The following CSMD1 variants were observed in gnomAD, a reference collection of about 807,000 sequenced individuals.
The protein encoded by CSMD1 is CUB and sushi domain-containing protein 1.
In CSMD1, 213 loss-of-function variants were observed where a neutral mutation model predicts 417.5. The observed-to-expected ratio is 0.51, with a 90% CI of 0.46 to 0.57. The LOEUF (loss-of-function observed/expected upper bound fraction) is 0.57, where lower values mean the gene tolerates loss of function less well. Among genes scored for constraint, CSMD1 ranks in the 20% least tolerant of loss-of-function variants. The pLI is 0.00. For synonymous variants in CSMD1, 2,862 were observed against 1,736.8 expected (o/e 1.65, Z -16.11); for missense variants, 6,923 against 4,529.7 (o/e 1.53, Z -15.17).
chr8:3,348,669 A>C (rs530472128), intron 21 of CSMD1, among the ~76,000 whole-genome samples: 1 of 152,242 alleles, frequency 6.6e-6, no homozygotes, highest in East Asian at 1.9e-4. Flanking sequence ...TCAGGATGTC[A>C]CATCCCTGAA....
At chr8:3,974,485 G>GA (rs548160298) in intron 5 of CSMD1, among the ~76,000 whole-genome samples, 40 of 151,674 alleles carry the variant, frequency 2.6e-4, no homozygotes, top group Non-Finnish European at 1.2e-4. Flanking sequence ...TATTAAAACA[G>GA]AAAAAAAGTA....
At chr8:3,825,630 T>C (rs527430312) in intron 5 of CSMD1, among the ~76,000 whole-genome samples, 11 of 152,106 alleles carry the variant, frequency 7.2e-5, no homozygotes, top group East Asian at 5.8e-4. Context: ...TCTTAGGAAA[T>C]AAAAGACAAC....
At chr8:3,017,806 T>TAA (rs777717027) in intron 52 of CSMD1, among the ~76,000 whole-genome samples, 39 of 76,474 alleles carry the variant, frequency 5.1e-4, no homozygotes, top group African/African-American at 1.4e-3. Context: ...TTGAGTGATT[T>TAA]AAAAAAAAAA....
intron 7 of CSMD1, among the ~76,000 whole-genome samples, chr8:3,656,890 A>C (rs1309752033): frequency 6.6e-6 from 1 of 150,812 alleles, no homozygotes; most frequent in Non-Finnish European, 1.5e-5. Flanking sequence ...ACACCACTGC[A>C]CTCCAGCCTG....
intron 1 of CSMD1, among the ~76,000 whole-genome samples, chr8:4,670,063 G>C (rs1805198932): frequency 6.6e-6 from 1 of 152,192 alleles, no homozygotes; most frequent in South Asian, 2.1e-4. Context: ...TCTGTAGAAA[G>C]GGAAGCTGGT....
At chr8:3,549,060 A>G (rs911714660) in intron 10 of CSMD1, among the ~76,000 whole-genome samples, 5 of 152,028 alleles carry the variant, frequency 3.3e-5, no homozygotes, top group Non-Finnish European at 5.9e-5. Context: ...CCTGATATCA[A>G]CCCCACTTCC....
At chr8:4,620,750 A>G (rs180848989) in intron 2 of CSMD1, among the ~76,000 whole-genome samples, 1 of 151,936 alleles carries the variant, frequency 6.6e-6, no homozygotes, top group African/African-American at 2.4e-5. Flanking sequence ...CAAATAAATT[A>G]TTATATGGAG....
intron 1 of CSMD1, among the ~76,000 whole-genome samples, chr8:4,694,043 A>G (rs1018270707): frequency 2.0e-5 from 3 of 152,214 alleles, no homozygotes; most frequent in Non-Finnish European, 4.4e-5. Flanking sequence ...CAAGCTGGGA[A>G]CTGCTTAGGG....
intron 3 of CSMD1, among the ~76,000 whole-genome samples, chr8:4,059,767 C>G (rs1195824363): frequency 1.3e-5 from 2 of 151,948 alleles, no homozygotes; most frequent in Admixed American, 1.3e-4. Flanking sequence ...TCTGAATAGA[C>G]CAATAACAGG....
At chr8:4,663,966 C>G (rs948471904) in intron 1 of CSMD1, among the ~76,000 whole-genome samples, 3 of 152,156 alleles carry the variant, frequency 2.0e-5, no homozygotes, top group Non-Finnish European at 2.9e-5. Context: ...CCAGATAAGA[C>G]TGAGGAAGTG....
At chr8:4,927,018 G>A (rs185707297) in intron 1 of CSMD1, among the ~76,000 whole-genome samples, 21 of 151,730 alleles carry the variant, frequency 1.4e-4, no homozygotes, top group East Asian at 3.9e-4. Flanking sequence ...TAGACATCCC[G>A]TATCTAAAAG....
At chr8:4,402,144 G>C (rs764047501) in intron 3 of CSMD1, among the ~76,000 whole-genome samples, 10 of 151,924 alleles carry the variant, frequency 6.6e-5, no homozygotes, top group Non-Finnish European at 1.3e-4. Context: ...TAGTCATATG[G>C]TCAGAGACCA....
chr8:3,242,201 T>G (rs62504976), intron 26 of CSMD1, among the ~76,000 whole-genome samples: 10 of 151,314 alleles, frequency 6.6e-5, no homozygotes, highest in African/African-American at 1.9e-4. Flanking sequence ...AACAGTAAGC[T>G]GGACCAGGTG....
intron 2 of CSMD1, among the ~76,000 whole-genome samples, chr8:4,534,857 G>A (rs927192529): frequency 3.3e-5 from 5 of 152,030 alleles, no homozygotes; most frequent in Admixed American, 1.3e-4. Context: ...CCGCCTCCCG[G>A]GTTCATGTCA....
At chr8:4,299,789 C>G (rs1478588851) in intron 3 of CSMD1, among the ~76,000 whole-genome samples, 1 of 151,964 alleles carries the variant, frequency 6.6e-6, no homozygotes, top group East Asian at 1.9e-4. Flanking sequence ...TGCCACCACG[C>G]CCGCCTAATT....
chr8:4,190,102 A>T (rs986444546), intron 3 of CSMD1, among the ~76,000 whole-genome samples: 1 of 151,884 alleles, frequency 6.6e-6, no homozygotes, highest in Non-Finnish European at 1.5e-5. Context: ...ACTAAAAAAT[A>T]CAAAAAATGA....
At chr8:4,286,840 G>C (rs767983675) in intron 3 of CSMD1, among the ~76,000 whole-genome samples, 3 of 152,174 alleles carry the variant, frequency 2.0e-5, no homozygotes, top group Non-Finnish European at 4.4e-5. Flanking sequence ...GTTGCTGTTT[G>C]TTATTAGGAG....
chr8:4,707,502 G>C (rs890295994), intron 1 of CSMD1, among the ~76,000 whole-genome samples: 1 of 152,186 alleles, frequency 6.6e-6, no homozygotes, highest in Non-Finnish European at 1.5e-5. Flanking sequence ...AGGGAAATCA[G>C]CGTAGGAGTC....
At chr8:4,333,008 G>A (rs1045428640) in intron 3 of CSMD1, among the ~76,000 whole-genome samples, 1 of 150,636 alleles carries the variant, frequency 6.6e-6, no homozygotes, top group Non-Finnish European at 1.5e-5. Flanking sequence ...AAAGAGCCTA[G>A]CAACAATGTA....
Sources: allele counts gnomAD v4.1 joint callset (sites outside exome capture counted in the v4.1 genomes callset), GRCh38; gene constraint gnomAD v4.1.1; transcripts MANE v1.5; gene names NCBI Gene and HGNC (gene_info 2026-07-23, HGNC 2026-07-21).